Variants in PIK3R4 observed in about 807,000 individuals in gnomAD.
PIK3R4 encodes the protein phosphoinositide-3-kinase regulatory subunit 4.
Under a neutral mutation model 136.5 loss-of-function variants are expected in PIK3R4, and 46 were observed. The observed-to-expected ratio is 0.34, with a 90% CI of 0.27 to 0.43. PIK3R4 has a LOEUF of 0.43. PIK3R4 is among the 20% of genes least tolerant of loss of function. The probability of loss-of-function intolerance (pLI) is 1.00; values close to 1 mark genes in which losing one functional copy is unlikely to be tolerated. For missense variants in PIK3R4, 1,331 were observed against 1,649.5 expected, an observed-to-expected ratio of 0.81 and a Z score of 3.35; for synonymous variants, 557 against 566.7, an observed-to-expected ratio of 0.98 and a Z score of 0.24.
chr3:130,684,428 C>T (rs373849895), intron 15 of PIK3R4, 47 bp from the exon 16 acceptor site: 23 of 1,511,844 alleles, frequency 1.5e-5, no homozygotes, highest in Non-Finnish European at 2.0e-5. Context: ...GATCAAAGTG[C>T]ATCAAGCTGC....
At chr3:130,699,602 G>A (rs77319801) in intron 13 of PIK3R4, among the ~76,000 whole-genome samples, 1 of 152,144 alleles carries the variant, frequency 6.6e-6, no homozygotes, top group African/African-American at 2.4e-5. Context: ...GCTGAAAGGT[G>A]TTAGCTGATT....
At position 130,703,828 on chromosome 3, in the gene PIK3R4, C is replaced by T. The variant is rs377513454; in HGVS notation, c.2993G>A (p.Arg998Gln). 5.7e-5 allele frequency: 92 copies of T among 1,612,268 alleles called. No individual in the cohort carries two copies. The highest frequency in any genetic ancestry group is 3.3e-4 in the Middle Eastern group (2 of 6,058). The change falls in exon 13 of 20, where the codon CGA becomes CAA. Residue 998 changes from arginine (R) to glutamine (Q), a missense_variant. Coordinates refer to ENST00000356763, the MANE Select transcript of PIK3R4 (RefSeq NM_014602.3). ...TGAGTGTTCATCAGAGACTCTAATT[C>T]GATTCACAGCAGATTTATGCTCATG... is the stretch of plus-strand genomic sequence containing the variant. ...HLHEHKSAVN[R>Q]IRVSDEHSLF...
chr3:130,722,900 C>CAA (rs758224745), intron 7 of PIK3R4, among the ~76,000 whole-genome samples: 6 of 114,770 alleles, frequency 5.2e-5, no homozygotes, highest in African/African-American at 9.6e-5. Flanking sequence ...ACTAAAAATA[C>CAA]AAAAAAAAAA....
chr3:130,688,212 C>T (rs1405460833), intron 14 of PIK3R4, among the ~76,000 whole-genome samples: 1 of 152,150 alleles, frequency 6.6e-6, no homozygotes, highest in Non-Finnish European at 1.5e-5. Flanking sequence ...AACTACAATA[C>T]ATTTACTTAT....
At chr3:130,694,324 G>C (rs1356189422) in intron 13 of PIK3R4, among the ~76,000 whole-genome samples, 2 of 151,648 alleles carry the variant, frequency 1.3e-5, no homozygotes, top group African/African-American at 4.8e-5. Flanking sequence ...AAAAAAGGCA[G>C]CTAGAAATTC....
chr3:130,722,313 G>T (rs2066706203), intron 7 of PIK3R4, among the ~76,000 whole-genome samples: 1 of 152,000 alleles, frequency 6.6e-6, no homozygotes, highest in Non-Finnish European at 1.5e-5. Context: ...GGTTTATTCT[G>T]TATATAAACA....
At chr3:130,681,412 C>A in intron 17 of PIK3R4, 79 bp downstream of exon 17, 1 of 947,396 alleles carries the variant, frequency 1.1e-6, no homozygotes, top group South Asian at 1.4e-5. Context: ...CCAACAGATA[C>A]TAGGTTTGAT....
chr3:130,722,472 G>A (rs535504914), intron 7 of PIK3R4, among the ~76,000 whole-genome samples: 104 of 152,216 alleles, frequency 6.8e-4, no homozygotes, highest in African/African-American at 2.4e-3. Flanking sequence ...CTTTAAAATT[G>A]ATGGGCATCT....
chr3:130,680,351 G>C (rs1226997205), intron 19 of PIK3R4, among the ~76,000 whole-genome samples: 1 of 152,100 alleles, frequency 6.6e-6, no homozygotes, highest in East Asian at 1.9e-4. Flanking sequence ...TTTTTCATTT[G>C]TAAGAGGATA....
In PIK3R4 at chr3:130,681,173, G is replaced by A. The variant is rs2066456251; in HGVS notation, c.3709-108C>T. The A allele has an allele frequency of 1.4e-5, 10 of 736,818 alleles. No individual in the cohort carries two copies. In the South Asian group the frequency reaches 1.5e-4, roughly 11 times the overall value. 45.6% of individuals were successfully genotyped at this position (736,818 alleles called of 1,614,324 possible). A position where few individuals can be genotyped will look rare whatever the true frequency, so the allele number is the denominator to read the frequency against. ...CTGTCAGTAGCTTTACAAGCACCTGGTTAACTGAAGAAATGAGAGACCAGT... is the reference window on the plus strand; with the variant it reads ...CTGTCAGTAGCTTTACAAGCACCTGATTAACTGAAGAAATGAGAGACCAGT... On this transcript the variant is annotated intron_variant, in intron 17 of 19. Coordinates refer to ENST00000356763, the MANE Select transcript of PIK3R4 (RefSeq NM_014602.3).
chr3:130,737,114 A>T (rs1457010811), intron 2 of PIK3R4, among the ~76,000 whole-genome samples: 1 of 152,154 alleles, frequency 6.6e-6, no homozygotes, highest in East Asian at 1.9e-4. Flanking sequence ...TATTCCCCCA[A>T]GGATCCATGT....
intron 4 of PIK3R4, among the ~76,000 whole-genome samples, chr3:130,731,856 G>C (rs1576462688): frequency 6.6e-6 from 1 of 152,280 alleles, no homozygotes; most frequent in African/African-American, 2.4e-5. Flanking sequence ...AATTAGCCAG[G>C]CGTGGTGGCA....
At chr3:130,719,307 T>C (rs2066685169) in intron 7 of PIK3R4, among the ~76,000 whole-genome samples, 1 of 152,148 alleles carries the variant, frequency 6.6e-6, no homozygotes, top group Non-Finnish European at 1.5e-5. Context: ...AGAAAAATTG[T>C]ATTAGCTCTG....
chr3:130,730,024 T>C (rs1299746939), intron 5 of PIK3R4, among the ~76,000 whole-genome samples: 9 of 152,208 alleles, frequency 5.9e-5, no homozygotes, highest in African/African-American at 1.9e-4. Context: ...TAATTTTTTC[T>C]TTTATGAGAA....
rs143716349 is a variant in PIK3R4, at chr3:130,686,604, G to C, written c.3264-182C>G. 3.4e-3 allele frequency among the ~76,000 whole-genome samples: 517 copies of C among 152,230 alleles called. 1 individual carries two copies. The highest frequency in any genetic ancestry group is 5.9e-3 in the Non-Finnish European group (402 of 68,010). On this transcript the variant is annotated intron_variant, in intron 14 of 19. Coordinates refer to ENST00000356763, the MANE Select transcript of PIK3R4 (RefSeq NM_014602.3). ...GTAGAGAAGAATTGCAAAAATAGTA[G>C]AGTTGCTGTATATCCTTCACTCAAG...
chr3:130,693,234 T>G (rs1258933669), intron 13 of PIK3R4, among the ~76,000 whole-genome samples: 1 of 152,230 alleles, frequency 6.6e-6, no homozygotes, highest in Admixed American at 6.5e-5. Context: ...TTCCATTTTT[T>G]GGCTATTATG....
At chr3:130,699,926 T>TA (rs747627128) in intron 13 of PIK3R4, among the ~76,000 whole-genome samples, 8 of 152,212 alleles carry the variant, frequency 5.3e-5, no homozygotes, top group Non-Finnish European at 7.4e-5. Flanking sequence ...ACATATATTG[T>TA]AAAAAAACCT....
chr3:130,714,869 C>T (rs550033353), intron 9 of PIK3R4, among the ~76,000 whole-genome samples: 73 of 152,190 alleles, frequency 4.8e-4, no homozygotes, highest in Admixed American at 1.2e-3. Context: ...TGGGTTGGTT[C>T]CATGTCTTTG....
At chr3:130,726,136 T>C (rs529164036) in intron 6 of PIK3R4, among the ~76,000 whole-genome samples, 5 of 152,102 alleles carry the variant, frequency 3.3e-5, no homozygotes, top group African/African-American at 7.2e-5. Flanking sequence ...ATACCAAATA[T>C]ATAGATTATC....
Sources: gnomAD v4.1 joint callset for allele counts (sites outside exome capture counted in the v4.1 genomes callset) on GRCh38, gnomAD v4.1.1 for gene constraint, MANE v1.5 for transcripts, NCBI Gene and HGNC (gene_info 2026-07-23, HGNC 2026-07-21) for gene names.